TMEM132D: variants seen among roughly 807,000 people sequenced by gnomAD.
TMEM132D encodes transmembrane protein 132D, also known as mature OL transmembrane protein.
A neutral mutation model predicts 62.3 loss-of-function variants in TMEM132D; 21 were observed. That is an observed-to-expected ratio of 0.34 (90% CI 0.24 to 0.49). The LOEUF is 0.49. Ranked by LOEUF, TMEM132D falls within the 20% of genes least tolerant of loss-of-function variation. TMEM132D has a pLI of 0.99. For missense variants in TMEM132D, 1,346 were observed against 1,402.8 expected (o/e 0.96, Z 0.65); for synonymous variants, 621 against 575.6 (o/e 1.08, Z -1.13).
At chr12:129,732,032 C>T (rs916521918) in intron 1 of TMEM132D, among the ~76,000 whole-genome samples, 1 of 152,062 alleles carries the variant, frequency 6.6e-6, no homozygotes, top group Non-Finnish European at 1.5e-5. Flanking sequence ...ATGCTACCAT[C>T]GAGTGTAGGC....
chr12:129,194,969 A>G (rs1030217459), intron 5 of TMEM132D, among the ~76,000 whole-genome samples: 1 of 152,224 alleles, frequency 6.6e-6, no homozygotes, highest in Admixed American at 6.5e-5. Flanking sequence ...CCCAGTGGGC[A>G]GCAGGCATTT....
intron 5 of TMEM132D, among the ~76,000 whole-genome samples, chr12:129,161,771 T>C (rs1347609875): frequency 6.6e-6 from 1 of 152,144 alleles, no homozygotes; most frequent in Non-Finnish European, 1.5e-5. Context: ...TCTGAAAATA[T>C]AGTGTGGGCA....
At chr12:129,893,188 T>G (rs999349286) in intron 1 of TMEM132D, among the ~76,000 whole-genome samples, 1 of 152,156 alleles carries the variant, frequency 6.6e-6, no homozygotes, top group African/African-American at 2.4e-5. Context: ...GGACTCCTTT[T>G]TGTTGACTTG....
chr12:129,180,757 C>T (rs1878042328), intron 5 of TMEM132D, among the ~76,000 whole-genome samples: 1 of 142,998 alleles, frequency 7.0e-6, no homozygotes, highest in South Asian at 2.4e-4. Flanking sequence ...GGCTAGTTCC[C>T]TAACTCACTT....
chr12:129,072,122 A>C lies in TMEM132D; in HGVS notation c.*1753T>G, dbSNP rs1874086258. On this transcript the variant is annotated 3_prime_UTR_variant, in exon 9 of 9. Transcript: ENST00000422113. Reference sequence around the variant, plus strand: ...ATTCTATGGAGAGGAAGAAGGAGTAAAGACACACACTCAAAATTACAGAGA... The same window carrying C: ...ATTCTATGGAGAGGAAGAAGGAGTACAGACACACACTCAAAATTACAGAGA... 1 of 136,850 alleles carries C rather than the reference A, an allele frequency of 7.3e-6. No homozygotes were observed. The highest frequency in any genetic ancestry group is 7.5e-5 in the Admixed American group (1 of 13,380). The allele number at this position is 136,850 out of a possible 1,614,324, so 8.5% of individuals were successfully genotyped here.
chr12:129,341,789 A>ACAGAGAGCCAAATCATGAGTGAACT (rs1361532824), intron 3 of TMEM132D, among the ~76,000 whole-genome samples: 8 of 101,168 alleles, frequency 7.9e-5, no homozygotes, highest in Admixed American at 1.8e-4. Flanking sequence ...TAACAGACAA[A>ACAGAGAGCCAAATCATGAGTGAACT]CAGAGAGCCA....
intron 1 of TMEM132D, among the ~76,000 whole-genome samples, chr12:129,797,604 C>G (rs138198210): frequency 2.0e-5 from 3 of 152,144 alleles, no homozygotes; most frequent in African/African-American, 7.2e-5. Context: ...ATGAGAGACC[C>G]TGTGTGTGTC....
At chr12:129,566,487 C>T (rs1877371445) in intron 2 of TMEM132D, among the ~76,000 whole-genome samples, 1 of 152,086 alleles carries the variant, frequency 6.6e-6, no homozygotes, top group Non-Finnish European at 1.5e-5. Context: ...GGATTTCAGG[C>T]AGAAATGACC....
intron 3 of TMEM132D, among the ~76,000 whole-genome samples, chr12:129,524,988 C>T (rs1320138034): frequency 1.6e-5 from 2 of 123,302 alleles, no homozygotes; most frequent in African/African-American, 6.4e-5. Context: ...TGCAGTGGCG[C>T]GATCTTGGCT....
At chr12:129,417,177 C>T (rs1019408809) in intron 3 of TMEM132D, among the ~76,000 whole-genome samples, 6 of 152,084 alleles carry the variant, frequency 3.9e-5, no homozygotes, top group Non-Finnish European at 8.8e-5. Flanking sequence ...CCATCTGGTC[C>T]TGGGCTTTTT....
At chr12:129,091,501 G>A (rs1207445808) in intron 5 of TMEM132D, among the ~76,000 whole-genome samples, 1 of 151,612 alleles carries the variant, frequency 6.6e-6, no homozygotes, top group Non-Finnish European at 1.5e-5. Flanking sequence ...TGCTCACCTG[G>A]GCTCTGGAGA....
intron 3 of TMEM132D, among the ~76,000 whole-genome samples, chr12:129,430,720 A>G (rs1351675548): frequency 2.0e-5 from 3 of 152,220 alleles, no homozygotes; most frequent in Non-Finnish European, 4.4e-5. Context: ...CCCTGACATC[A>G]GGCAGATACA....
chr12:129,384,456 C>G (rs924182838), intron 3 of TMEM132D, among the ~76,000 whole-genome samples: 9 of 151,724 alleles, frequency 5.9e-5, no homozygotes, highest in African/African-American at 2.2e-4. Context: ...TAAAAAAAGT[C>G]TCAGAACTCA....
At chr12:129,364,572 GC>G (rs1870347564) in intron 3 of TMEM132D, among the ~76,000 whole-genome samples, 1 of 152,224 alleles carries the variant, frequency 6.6e-6, no homozygotes, top group African/African-American at 2.4e-5. Flanking sequence ...GTTTATGGGG[GC>G]TAAGGTGATG....
intron 1 of TMEM132D, among the ~76,000 whole-genome samples, chr12:129,780,915 T>C (rs1254632181): frequency 6.6e-6 from 1 of 152,142 alleles, no homozygotes. Flanking sequence ...ACAGCCATAG[T>C]CAGGAACATT....
chr12:129,832,071 T>G (rs1872860089), intron 1 of TMEM132D, among the ~76,000 whole-genome samples: 1 of 136,392 alleles, frequency 7.3e-6, no homozygotes, highest in Non-Finnish European at 1.5e-5. Flanking sequence ...TGTATTTTAG[T>G]AGAGACGAGG....
chr12:129,704,801 G>A (rs1050542085), intron 1 of TMEM132D, among the ~76,000 whole-genome samples: 1 of 152,114 alleles, frequency 6.6e-6, no homozygotes, highest in African/African-American at 2.4e-5. Flanking sequence ...GAGTAACGAA[G>A]GAAATTCAGA....
chr12:129,842,464 T>G (rs1002097372), intron 1 of TMEM132D, among the ~76,000 whole-genome samples: 3 of 149,364 alleles, frequency 2.0e-5, no homozygotes, highest in Admixed American at 1.3e-4. Context: ...CTTTTTTTTT[T>G]GGTTTTGTTT....
intron 2 of TMEM132D, among the ~76,000 whole-genome samples, chr12:129,577,845 T>G (rs1004303983): frequency 3.9e-5 from 6 of 152,134 alleles, no homozygotes; most frequent in Non-Finnish European, 5.9e-5. Flanking sequence ...TAATCGTATG[T>G]GTCAATTTGA....
Sources: allele counts gnomAD v4.1 joint callset (sites outside exome capture counted in the v4.1 genomes callset), GRCh38; gene constraint gnomAD v4.1.1; transcripts MANE v1.5; gene names NCBI Gene and HGNC (gene_info 2026-07-23, HGNC 2026-07-21).